Variants in AMN observed in about 807,000 individuals in gnomAD.
The protein encoded by AMN is protein amnionless.
AMN carries 40 observed loss-of-function variants against 49.1 expected under a neutral mutation model. The ratio of observed to expected loss-of-function variants is 0.81; its 90% confidence interval spans 0.63 to 1.06. The LOEUF (loss-of-function observed/expected upper bound fraction) is 1.06. Among genes scored for constraint, AMN ranks in the 50% least tolerant of loss-of-function variants. AMN has a pLI of 0.00. For missense variants in AMN, 701 were observed against 662.8 expected (o/e 1.06, Z -0.63); for synonymous variants, 380 against 313.3 (o/e 1.21, Z -2.25).
intron 3 of AMN, 75 bp from the exon 4 acceptor site, chr14:102,928,351 G>A: frequency 7.3e-7 from 1 of 1,372,956 alleles, no homozygotes; most frequent in Middle Eastern, 2.1e-4. Context: ...CTCGTCCCAG[G>A]GGACTGGGGG....
intron 3 of AMN, among the ~76,000 whole-genome samples, chr14:102,925,947 A>C (rs932693333): frequency 6.6e-6 from 1 of 152,046 alleles, no homozygotes; most frequent in Non-Finnish European, 1.5e-5. Flanking sequence ...TCAGTGCCTT[A>C]CTTTGTAATT....
Position 102,930,313 on chromosome 14 carries a change from C to T in AMN, c.1155C>T (p.Arg385=), listed in dbSNP as rs550072039. 5 of 1,378,876 alleles carry T rather than the reference C, an allele frequency of 3.6e-6. No homozygotes were observed. In the African/African-American group the frequency reaches 7.6e-5, roughly 21 times the overall value. 85.4% of individuals were successfully genotyped at this position (1,378,876 alleles called of 1,614,324 possible). The part of the protein sequence containing the change: ...VLLVAPPLLR[R]AGRLRWRRHE... The stretch of plus-strand genomic sequence containing the variant: ...TGGTGGCGCCGCCGCTGCTGCGCCG[C>T]GCGGGGAGGCTCAGGTACGCGGGGC... The change falls in exon 10 of 12, where the codon CGC becomes CGT. Residue 385 remains arginine, a synonymous_variant. Transcript: ENST00000299155.
Position 102,923,993 on chromosome 14 carries a change from G to A in AMN, c.207+14G>A, listed in dbSNP as rs781459651. The A allele has an allele frequency of 1.2e-6, 2 of 1,613,178 alleles. No individual in the cohort carries two copies. The highest frequency in any genetic ancestry group is 1.7e-6 in the Non-Finnish European group (2 of 1,180,044). ...GTCTCAGACATGGTAAGGCCGGGCT[G>A]CTACTGCCACTGGGCTGGGGGTTCA... On this transcript the variant is annotated intron_variant, in intron 3 of 11. Transcript: ENST00000299155.
At chr14:102,923,395 C>CTTA (rs1235067023) in intron 1 of AMN, 1 of 415,266 alleles carries the variant, frequency 2.4e-6, no homozygotes, top group Non-Finnish European at 4.5e-6. Context: ...TGTCACTGTC[C>CTTA]TTAACAACGC....
chr14:102,930,839 T>C lies in AMN; in HGVS notation c.*159T>C. On this transcript the variant is annotated 3_prime_UTR_variant, in exon 12 of 12. Transcript: ENST00000299155. ...GGCCTTACTCAGTAAAGGTGTTTCC[T>C]GCACCTGCTGTCAGCCTGGCTATGC... 1 of 817,594 alleles carries C rather than the reference T, an allele frequency of 1.2e-6. No homozygotes were observed. The highest frequency in any genetic ancestry group is 2.2e-5 in the Admixed American group (1 of 45,760). The allele number at this position is 817,594 out of a possible 1,614,324, so 50.6% of individuals were successfully genotyped here.
In AMN at chr14:102,930,262, C is replaced by G. The variant is rs2139312768; in HGVS notation, c.1104C>G (p.Ala368=). The part of the protein sequence containing the change: ...AAGLAGGVAA[A]VLLALLVLLV... Reference sequence around the variant, plus strand: ...GGCTGGCGGGCGGCGTGGCGGCTGCCGTGCTGCTGGCGCTGCTGGTCCTGC... The same window carrying G: ...GGCTGGCGGGCGGCGTGGCGGCTGCGGTGCTGCTGGCGCTGCTGGTCCTGC... The change falls in exon 10 of 12, where the codon GCC becomes GCG. Residue 368 remains alanine, a synonymous_variant. Transcript: ENST00000299155. The G allele has an allele frequency of 7.2e-7, 1 of 1,381,358 alleles. No individual in the cohort carries two copies. Among genetic ancestry groups the G allele is most frequent in the South Asian group, 1.7e-5 (1 of 59,692 alleles). The allele number at this position is 1,381,358 out of a possible 1,614,324, so 85.6% of individuals were successfully genotyped here. A position where few individuals can be genotyped will look rare whatever the true frequency, so the allele number is the denominator to read the frequency against.
chr14:102,922,877 C>CT (rs1891090498), intron 1 of AMN, 146 bp downstream of exon 1: 6 of 1,150,526 alleles, frequency 5.2e-6, no homozygotes, highest in South Asian at 1.5e-5. Context: ...AAACTCGGCC[C>CT]TGCCTCCCTC....
chr14:102,930,071 G>T lies in AMN; in HGVS notation c.991G>T (p.Asp331Tyr), dbSNP rs1891301101. ...AGRLARALLA[D>Y]VAENGEALGV... ...GCGGCTGGCCCGGGCCCTCCTGGCG[G>T]ACGTCGCCGAGAACGGTAACCGCGC... Residue 331 changes from aspartate to tyrosine, a missense_variant, in exon 9 of 12, where the codon GAC becomes TAC. Asp to Tyr is a radical substitution (Grantham distance 160, BLOSUM62 -3). Coordinates refer to ENST00000299155, the MANE Select transcript of AMN (RefSeq NM_030943.4). 3.2e-6 allele frequency: 5 copies of T among 1,542,248 alleles called. No individual in the cohort carries two copies. The highest frequency in any genetic ancestry group is 2.0e-5 in the Admixed American group (1 of 50,792).
chr14:102,929,191 CG>C lies in AMN; in HGVS notation c.587del (p.Gly196AlafsTer3). ...GCGGGCCGCCTACGCTTCCACGGGC[CG>C]GGCGCGCTGAGCGTGGGCCCCGAGG... is the stretch of plus-strand genomic sequence containing the variant. ...SRAGRLRFHGPGALSVGPEDC... is the reference protein window; with the variant it reads ...SRAGRLRFHGXGALSVGPEDC... On this transcript the variant is annotated frameshift_variant, in exon 6 of 12. Transcript: ENST00000299155. LOFTEE classifies it high-confidence loss of function. 11 of 1,591,828 alleles carry C rather than the reference CG, an allele frequency of 6.9e-6. No individual in the cohort carries two copies. Among genetic ancestry groups the C allele is most frequent in the Non-Finnish European group, 9.3e-6 (11 of 1,176,956 alleles).
intron 8 of AMN, 71 bp from the exon 9 acceptor site, chr14:102,929,853 T>A: frequency 6.5e-7 from 1 of 1,547,070 alleles, no homozygotes; most frequent in Non-Finnish European, 8.7e-7. Flanking sequence ...TATCTGCCTC[T>A]GCCCTTAGCG....
At chr14:102,928,198 A>G (rs910028878) in intron 3 of AMN, among the ~76,000 whole-genome samples, 20 of 152,190 alleles carry the variant, frequency 1.3e-4, no homozygotes, top group African/African-American at 4.6e-4. Context: ...GGGACAGGAC[A>G]CTGGGCTGTG....
intron 1 of AMN, 67 bp downstream of exon 1, chr14:102,922,798 GCT>G: frequency 6.5e-7 from 1 of 1,531,824 alleles, no homozygotes. Context: ...GGCCGAGGTC[GCT>G]CTAGGCCTGG....
At chr14:102,922,807 C>A in intron 1 of AMN, 76 bp downstream of exon 1, 12 of 1,521,298 alleles carry the variant, frequency 7.9e-6, no homozygotes, top group South Asian at 1.2e-5. Flanking sequence ...CGCTCTAGGC[C>A]TGGAGGGTGA....
At position 102,930,748 on chromosome 14, in the gene AMN, C is replaced by T; in HGVS notation, c.*68C>T. ...GGCCCCAGTCGAACTGGGGGCTAGCCACCTCCTCGTCCAGCCCCCAAACCT... is the reference window on the plus strand; with the variant it reads ...GGCCCCAGTCGAACTGGGGGCTAGCTACCTCCTCGTCCAGCCCCCAAACCT... On this transcript the variant is annotated 3_prime_UTR_variant, in exon 12 of 12. Transcript: ENST00000299155. 2 of 1,483,970 alleles carry T rather than the reference C, an allele frequency of 1.3e-6. No homozygotes were observed. The highest frequency in any genetic ancestry group is 1.4e-5 in the African/African-American group (1 of 71,896). The allele number at this position is 1,483,970 out of a possible 1,614,324, so 91.9% of individuals were successfully genotyped here.
intron 8 of AMN, 82 bp downstream of exon 8, chr14:102,929,819 C>T (rs1288320694): frequency 1.9e-6 from 3 of 1,542,448 alleles, no homozygotes; most frequent in African/African-American, 2.7e-5. Context: ...TCTGCAGGGT[C>T]CCTGCGGCTG....
In AMN at chr14:102,923,973, A is replaced by G; in HGVS notation, c.201A>G (p.Ser67=). The G allele has an allele frequency of 6.2e-7, 1 of 1,613,256 alleles. No homozygotes were observed. Among genetic ancestry groups the G allele is most frequent in the Non-Finnish European group, 8.5e-7 (1 of 1,180,010 alleles). Residue 67 remains serine (S), a synonymous_variant, in exon 3 of 12, where the codon TCA becomes TCG. Coordinates refer to ENST00000299155, the MANE Select transcript of AMN (RefSeq NM_030943.4). ...SVLVQEGHAV[S]DMLLPLDGEL... ...TGGTGCAAGAAGGTCACGCCGTCTC[A>G]GACATGGTAAGGCCGGGCTGCTACT...
rs758633827 is a variant in AMN, at chr14:102,930,732, C to G, written c.*52C>G. 6.6e-7 allele frequency: 1 copy of G among 1,519,742 alleles called. No individual in the cohort carries two copies. Among genetic ancestry groups the G allele is most frequent in the Admixed American group, 2.0e-5 (1 of 51,170 alleles). 94.1% of individuals were successfully genotyped at this position (1,519,742 alleles called of 1,614,324 possible). On this transcript the variant is annotated 3_prime_UTR_variant, in exon 12 of 12. Transcript: ENST00000299155. ...GCTCTCCACCCGCTCTGGCCCCAGT[C>G]GAACTGGGGGCTAGCCACCTCCTCG... is the stretch of plus-strand genomic sequence containing the variant.
intron 3 of AMN, among the ~76,000 whole-genome samples, chr14:102,926,375 G>A (rs567689383): frequency 2.0e-5 from 3 of 152,084 alleles, no homozygotes; most frequent in Admixed American, 6.6e-5. Context: ...GTGTGCCTGG[G>A]TGTTGTGGGT....
At chr14:102,923,448 G>A in intron 1 of AMN, 2 of 495,942 alleles carry the variant, frequency 4.0e-6, no homozygotes, top group South Asian at 2.0e-5. Flanking sequence ...GCAGTGCCGG[G>A]AGGCTATCTA....
Sources: allele counts gnomAD v4.1 joint callset (sites outside exome capture counted in the v4.1 genomes callset), GRCh38; gene constraint gnomAD v4.1.1; transcripts MANE v1.5; gene names NCBI Gene and HGNC (gene_info 2026-07-23, HGNC 2026-07-21).